The following BST1 variants were observed in gnomAD, a reference collection of about 807,000 sequenced individuals.
BST1 encodes the protein ADP-ribosyl cyclase/cyclic ADP-ribose hydrolase 2.
In BST1, 49 loss-of-function variants were observed where a neutral mutation model predicts 40.6. The observed-to-expected ratio is 1.21, with a 90% CI of 0.96 to 1.53. The LOEUF is 1.53. BST1 is among the 40% of genes most tolerant of loss of function. The pLI, the probability that BST1 is intolerant of heterozygous loss-of-function variation, is 0.00. For synonymous variants in BST1, 157 were observed against 159.3 expected, an observed-to-expected ratio of 0.99 and a Z score of 0.11; for missense variants, 423 against 395.9, an observed-to-expected ratio of 1.07 and a Z score of -0.58.
chr4:15,722,761 G>A, intron 7 of BST1, 114 bp from the exon 8 acceptor site: 1 of 821,928 alleles, frequency 1.2e-6, no homozygotes, highest in South Asian at 1.6e-5. Context: ...AATAGTTTGT[G>A]TATTATTTGA....
the BST1 span, among the ~76,000 whole-genome samples, chr4:15,762,282 T>G: frequency 1.4e-5 from 2 of 144,054 alleles, no homozygotes. Context: ...CAACTTTCTT[T>G]TATACACACA....
At chr4:15,723,326 A>G (rs1454086282) in intron 8 of BST1, 1 of 161,894 alleles carries the variant, frequency 6.2e-6, no homozygotes, top group Non-Finnish European at 1.3e-5. Context: ...GGCTCACTGC[A>G]AGCTCCGCCT....
chr4:15,703,630 G>GC (rs1560274754), intron 1 of BST1, among the ~76,000 whole-genome samples: 6 of 128,046 alleles, frequency 4.7e-5, no homozygotes, highest in Non-Finnish European at 1.0e-4. Context: ...TAGAGGTGAG[G>GC]GGGGTGTGTG....
intron 1 of BST1, among the ~76,000 whole-genome samples, chr4:15,704,728 G>T (rs1172150619): frequency 6.6e-6 from 1 of 152,104 alleles, no homozygotes. Flanking sequence ...GTGATCTCAG[G>T]TTGGAATTCC....
the BST1 span, among the ~76,000 whole-genome samples, chr4:15,754,450 G>A: frequency 1.3e-5 from 2 of 152,222 alleles, no homozygotes; most frequent in African/African-American, 4.8e-5. Context: ...GTTGTGTGCA[G>A]TTTCTTACCT....
chr4:15,769,682 A>G, the BST1 span, among the ~76,000 whole-genome samples: 129 of 152,172 alleles, frequency 8.5e-4, 3 homozygotes, highest in East Asian at 0.02. Context: ...ATATATATGT[A>G]TATATATGTT....
chr4:15,704,993 G>A (rs1384726760), intron 1 of BST1: 1 of 765,332 alleles, frequency 1.3e-6, no homozygotes, highest in South Asian at 1.4e-5. Flanking sequence ...CAAATGCTAT[G>A]GGAAATATTT....
At chr4:15,751,038 C>G in the BST1 span, among the ~76,000 whole-genome samples, 3 of 152,202 alleles carry the variant, frequency 2.0e-5, no homozygotes, top group East Asian at 5.8e-4. Flanking sequence ...AGAAGACAAA[C>G]AGTAACATTT....
At position 15,715,367 on chromosome 4, in the gene BST1, A is replaced by T; in HGVS notation, c.611+6A>T. 2 of 1,613,716 alleles carry T rather than the reference A, an allele frequency of 1.2e-6. No individual in the cohort carries two copies. The highest frequency in any genetic ancestry group is 4.5e-5 in the East Asian group (2 of 44,864). ...GGAGCCTATCCCATCAAAGGGTAAG[A>T]ACACCAGCACATTCAAACACAAGAG... On this transcript the variant is annotated splice_donor_region_variant and intron_variant, in intron 5 of 8. Transcript: ENST00000265016.
In BST1 at chr4:15,707,654, T is replaced by A; in HGVS notation, c.451+8T>A. 3 of 1,613,734 alleles carry A rather than the reference T, an allele frequency of 1.9e-6. No individual in the cohort carries two copies. The highest frequency in any genetic ancestry group is 2.5e-6 in the Non-Finnish European group (3 of 1,179,854). ...GACAGAAAAATGACTCTGGTAAGAC[T>A]CCTGCACAAATCACAGGAGACTTAA... On this transcript the variant is annotated splice_region_variant and intron_variant, in intron 3 of 8. Transcript: ENST00000265016.
At chr4:15,722,592 A>ATTTT (rs1012036868) in intron 7 of BST1, among the ~76,000 whole-genome samples, 10 of 120,298 alleles carry the variant, frequency 8.3e-5, no homozygotes, top group African/African-American at 1.3e-4. Flanking sequence ...TAATTTTTAG[A>ATTTT]TTTTTTTTTT....
At chr4:15,726,997 A>G (rs577153645) in intron 8 of BST1, among the ~76,000 whole-genome samples, 104 of 151,338 alleles carry the variant, frequency 6.9e-4, no homozygotes, top group Non-Finnish European at 1.2e-3. Context: ...CAGCCTCCCG[A>G]GTTTTCCTCA....
At chr4:15,741,049 G>A (rs1297367246), downstream of BST1, among the ~76,000 whole-genome samples, 12 of 152,030 alleles carry the variant, frequency 7.9e-5, no homozygotes, top group African/African-American at 2.9e-4. Flanking sequence ...ATATTGATTA[G>A]GAGTCTTGGG....
intron 7 of BST1, among the ~76,000 whole-genome samples, chr4:15,719,284 G>A (rs567761245): frequency 6.6e-6 from 1 of 152,186 alleles, no homozygotes; most frequent in Non-Finnish European, 1.5e-5. Flanking sequence ...TGTGCAGCGA[G>A]ATGCTGGAGT....
At chr4:15,770,117 G>A in the BST1 span, among the ~76,000 whole-genome samples, 1 of 151,884 alleles carries the variant, frequency 6.6e-6, no homozygotes, top group Admixed American at 6.5e-5. Context: ...TGGGATTACA[G>A]GCGTAAGCCA....
the BST1 span, among the ~76,000 whole-genome samples, chr4:15,765,015 G>GGGCTTCA: frequency 1.3e-5 from 2 of 151,804 alleles, no homozygotes; most frequent in African/African-American, 4.9e-5. Flanking sequence ...CTTCCTCTCT[G>GGGCTTCA]GGCTTCAGGC....
chr4:15,764,073 A>T, the BST1 span, among the ~76,000 whole-genome samples: 1 of 152,014 alleles, frequency 6.6e-6, no homozygotes, highest in East Asian at 1.9e-4. Flanking sequence ...ATGAGAAGTC[A>T]ATGTTGGCTC....
At chr4:15,761,312 T>A in the BST1 span, among the ~76,000 whole-genome samples, 66 of 152,132 alleles carry the variant, frequency 4.3e-4, 2 homozygotes, top group African/African-American at 1.6e-3. Context: ...AATTCTACTC[T>A]AGCTGTACAG....
chr4:15,737,465 C>T (rs1321949725), downstream of BST1, among the ~76,000 whole-genome samples: 1 of 152,218 alleles, frequency 6.6e-6, no homozygotes, highest in African/African-American at 2.4e-5. Flanking sequence ...GTCTGGGCAG[C>T]AAGGGGGCAG....
Sources: allele counts gnomAD v4.1 joint callset (sites outside exome capture counted in the v4.1 genomes callset), GRCh38; gene constraint gnomAD v4.1.1; transcripts MANE v1.5; gene names NCBI Gene and HGNC (gene_info 2026-07-23, HGNC 2026-07-21).